The following AK2 variants were observed in gnomAD, a reference collection of about 807,000 sequenced individuals.
AK2 encodes the protein adenylate kinase 2, mitochondrial.
In AK2, 15 loss-of-function variants were observed where a neutral mutation model predicts 24.6. The ratio of observed to expected loss-of-function variants is 0.61; its 90% confidence interval spans 0.41 to 0.94. The LOEUF (loss-of-function observed/expected upper bound fraction) is 0.94. Ranked by LOEUF, AK2 falls within the 40% of genes least tolerant of loss-of-function variation. The pLI is 0.00. For synonymous variants in AK2, 102 were observed against 114.0 expected, an observed-to-expected ratio of 0.90 and a Z score of 0.67; for missense variants, 257 against 304.1, an observed-to-expected ratio of 0.85 and a Z score of 1.15.
intron 1 of AK2, chr1:33,032,159 T>C (rs1051512324): frequency 6.2e-6 from 1 of 161,750 alleles, no homozygotes; most frequent in Non-Finnish European, 1.4e-5. Flanking sequence ...ACATGTAAGA[T>C]TGCAAACATC....
At position 33,036,757 on chromosome 1, in the gene AK2, G is replaced by A; in HGVS notation, c.72C>T (p.Pro24=). ...KGIRAVLLGP[P]GAGKGTQAPR... ...TCACCTGGGTCCCTTTACCGGCCCC[G>A]GGAGGCCCCAGCAGCACGGCCCGGA... The change falls in exon 1 of 6, where the codon CCC becomes CCT. Residue 24 remains proline (P), a synonymous_variant. Coordinates refer to ENST00000672715, the MANE Select transcript of AK2 (RefSeq NM_001625.4). 1.9e-6 allele frequency: 3 copies of A among 1,595,114 alleles called. No individual in the cohort carries two copies. The highest frequency in any genetic ancestry group is 1.7e-6 in the Non-Finnish European group (2 of 1,170,798).
chr1:33,031,680 G>A (rs754245239), intron 1 of AK2: 21 of 455,946 alleles, frequency 4.6e-5, no homozygotes, highest in South Asian at 2.5e-4. Flanking sequence ...GGGGAAATAA[G>A]AGTGTGGGTC....
chr1:33,020,463 C>T (rs1466364317), intron 4 of AK2, among the ~76,000 whole-genome samples: 4 of 152,178 alleles, frequency 2.6e-5, no homozygotes, highest in African/African-American at 9.7e-5. Context: ...CGTGAAATAG[C>T]TTCTCAAAGC....
chr1:33,021,947 C>T (rs1639585300), intron 2 of AK2, among the ~76,000 whole-genome samples: 1 of 151,830 alleles, frequency 6.6e-6, no homozygotes, highest in South Asian at 2.1e-4. Flanking sequence ...CTCCTGTATC[C>T]CAAAAATCTG....
At position 33,019,589 on chromosome 1, in the gene AK2, A is replaced by G. The variant is rs114676102; in HGVS notation, c.425+1778T>C. 258 of 981,152 alleles carry G rather than the reference A, an allele frequency of 2.6e-4. 2 individuals carry two copies. In the African/African-American group the frequency reaches 4.2e-3, roughly 16 times the overall value. The allele number at this position is 981,152 out of a possible 1,614,324, so 60.8% of individuals were successfully genotyped here. A position where few individuals can be genotyped will look rare whatever the true frequency, so the allele number is the denominator to read the frequency against. ...AGAAAATGAATATAAGGTAGAGTCC[A>G]CTGTATTTCATATCGCTTTCCAGGA... On this transcript the variant is annotated intron_variant, in intron 4 of 5. Coordinates refer to ENST00000672715, the MANE Select transcript of AK2 (RefSeq NM_001625.4).
rs1638817229 is a variant in AK2 at position 33,011,509 on chromosome 1, A to G, written c.*1672T>C. On this transcript the variant is annotated 3_prime_UTR_variant, in exon 6 of 6. Transcript: ENST00000672715. ...ACTCATGCCCAGTTGCCATGTGGAC[A>G]GCAGATAAGACCTCTGGTAGTCTCA... 4 of 1,287,354 alleles carry G rather than the reference A, an allele frequency of 3.1e-6. No individual in the cohort carries two copies. The highest frequency in any genetic ancestry group is 4.0e-6 in the Non-Finnish European group (4 of 988,850). The allele number at this position is 1,287,354 out of a possible 1,614,324, so 79.7% of individuals were successfully genotyped here. A position where few individuals can be genotyped will look rare whatever the true frequency, so the allele number is the denominator to read the frequency against.
rs371510482 is a variant in AK2 at position 33,026,804 on chromosome 1, C to T, written c.94-2237G>A. Among the ~76,000 whole-genome samples, 309 of 150,972 alleles carry T rather than the reference C, an allele frequency of 2.0e-3. 1 individual carries two copies. Among genetic ancestry groups the T allele is most frequent in the South Asian group, 0.02 (94 of 4,766 alleles). ...GCCTGGAGACAGAGCAAGACTCCAT[C>T]TCACAAAAAAACAGCAACAAAAAAA... On this transcript the variant is annotated intron_variant, in intron 1 of 5. Transcript: ENST00000672715.
In AK2 at chr1:33,009,441, T is replaced by G. The variant is rs1235060369; in HGVS notation, c.*3740A>C. The G allele has an allele frequency of 2.2e-6, 1 of 454,000 alleles. No homozygotes were observed. The highest frequency in any genetic ancestry group is 4.4e-6 in the Non-Finnish European group (1 of 226,792). The allele number at this position is 454,000 out of a possible 1,614,324, so 28.1% of individuals were successfully genotyped here. On this transcript the variant is annotated 3_prime_UTR_variant, in exon 6 of 6. Transcript: ENST00000672715. ...ACTGGCTTTCTAGACTATGGACAAGTGTCCATTCAACAGTTATCCAGCCTG... is the reference window on the plus strand; with the variant it reads ...ACTGGCTTTCTAGACTATGGACAAGGGTCCATTCAACAGTTATCCAGCCTG...
At chr1:33,021,909 C>G (rs1220835622) in intron 2 of AK2, among the ~76,000 whole-genome samples, 1 of 151,960 alleles carries the variant, frequency 6.6e-6, no homozygotes, top group Non-Finnish European at 1.5e-5. Context: ...CTGTGGTTGC[C>G]AAATACACAC....
At chr1:33,018,307 T>C (rs1311823701) in intron 4 of AK2, among the ~76,000 whole-genome samples, 1 of 152,080 alleles carries the variant, frequency 6.6e-6, no homozygotes, top group Admixed American at 6.6e-5. Context: ...TGGGTCCATA[T>C]CATCTCAGAC....
At chr1:33,030,762 A>G (rs1640190049) in intron 1 of AK2, among the ~76,000 whole-genome samples, 1 of 152,224 alleles carries the variant, frequency 6.6e-6, no homozygotes, top group Non-Finnish European at 1.5e-5. Context: ...GTTGCCCAAG[A>G]TCACAGAGCT....
Position 33,012,238 on chromosome 1 carries a change from A to T in AK2, c.*943T>A, listed in dbSNP as rs932248789. On this transcript the variant is annotated 3_prime_UTR_variant, in exon 6 of 6. Coordinates refer to ENST00000672715, the MANE Select transcript of AK2 (RefSeq NM_001625.4). ...AATAATTGCTATTTTCAGCATCATGATGCAGATCACAAAAATATTCCAATT... is the reference window on the plus strand; with the variant it reads ...AATAATTGCTATTTTCAGCATCATGTTGCAGATCACAAAAATATTCCAATT... The T allele has an allele frequency of 2.6e-6, 4 of 1,534,452 alleles. No homozygotes were observed. The highest frequency in any genetic ancestry group is 2.0e-5 in the Admixed American group (1 of 50,910).
intron 1 of AK2, among the ~76,000 whole-genome samples, chr1:33,025,090 T>C (rs749759270): frequency 3.4e-5 from 5 of 145,172 alleles, no homozygotes; most frequent in African/African-American, 1.3e-4. Flanking sequence ...GAGGCTGAGG[T>C]AGGAGAATTA....
chr1:33,017,690 T>G (rs1469497051), intron 4 of AK2, among the ~76,000 whole-genome samples: 1 of 152,248 alleles, frequency 6.6e-6, no homozygotes, highest in Admixed American at 6.5e-5. Flanking sequence ...CATGAGCCAC[T>G]GAGCGTGGCT....
Position 33,026,878 on chromosome 1 carries a change from C to T in AK2, c.94-2311G>A, listed in dbSNP as rs1639921600. 2.0e-5 allele frequency among the ~76,000 whole-genome samples: 3 copies of T among 152,072 alleles called. No homozygotes were observed. The South Asian group carries it at 6.2e-4, about 32-fold the overall frequency. On this transcript the variant is annotated intron_variant, in intron 1 of 5. Coordinates refer to ENST00000672715, the MANE Select transcript of AK2 (RefSeq NM_001625.4). ...CAGTGGCTCACACCTGTAATCCCAG[C>T]ACTTTGGGAGGCCGAGGCGGGTGGA...
Position 33,011,330 on chromosome 1 carries a change from TC to T in AK2, c.*1850del, listed in dbSNP as rs1188860417. Reference sequence around the variant, plus strand: ...TGTTTCACTCCTCTTCCTTGCCCATTCCCAGAAGTCATGTGCTTCCCAGAAA... The same window carrying T: ...TGTTTCACTCCTCTTCCTTGCCCATTCCAGAAGTCATGTGCTTCCCAGAAA... On this transcript the variant is annotated 3_prime_UTR_variant, in exon 6 of 6. Coordinates refer to ENST00000672715, the MANE Select transcript of AK2 (RefSeq NM_001625.4). 1.2e-5 allele frequency: 16 copies of T among 1,288,294 alleles called. No individual in the cohort carries two copies. The highest frequency in any genetic ancestry group is 2.3e-5 in the Admixed American group (1 of 43,564). The allele number at this position is 1,288,294 out of a possible 1,614,324, so 79.8% of individuals were successfully genotyped here.
intron 1 of AK2, among the ~76,000 whole-genome samples, chr1:33,027,899 T>C (rs148275145): frequency 3.3e-4 from 51 of 152,318 alleles, no homozygotes; most frequent in Admixed American, 1.2e-3. Context: ...AGGCACTCAG[T>C]AGCCGTGTGA....
Position 33,012,156 on chromosome 1 carries a change from G to C in AK2, c.*1025C>G, listed in dbSNP as rs1638861564. The C allele has an allele frequency of 1.3e-6, 2 of 1,535,376 alleles. No individual in the cohort carries two copies. Among genetic ancestry groups the C allele is most frequent in the Non-Finnish European group, 1.7e-6 (2 of 1,146,724 alleles). On this transcript the variant is annotated 3_prime_UTR_variant, in exon 6 of 6. Transcript: ENST00000672715. ...TCAGAAGACAATCTGAATTCAAAAG[G>C]ACCTTTCACCTGGTTTAATTCTCTG...
Position 33,024,524 on chromosome 1 carries a change from G to A in AK2, c.137C>T (p.Thr46Ile). Residue 46 changes from threonine to isoleucine, a missense_variant, in exon 2 of 6, where the codon ACT (threonine) becomes ATT (isoleucine). Thr to Ile is a moderately conservative substitution (Grantham distance 89, BLOSUM62 -1). Transcript: ENST00000672715. ...AENFCVCHLA[T>I]GDMLRAMVAS... ...CACCATGGCCCTCAGCATGTCCCCA[G>A]TAGCTAAATGGCAGACACAGAAGTT... 1 of 1,614,162 alleles carries A rather than the reference G, an allele frequency of 6.2e-7. No individual in the cohort carries two copies. Among genetic ancestry groups the A allele is most frequent in the Non-Finnish European group, 8.5e-7 (1 of 1,180,016 alleles).
Sources: allele counts gnomAD v4.1 joint callset (sites outside exome capture counted in the v4.1 genomes callset), GRCh38; gene constraint gnomAD v4.1.1; transcripts MANE v1.5; gene names NCBI Gene and HGNC (gene_info 2026-07-23, HGNC 2026-07-21).